The following KTN1 variants were observed in gnomAD, a reference collection of about 807,000 sequenced individuals.
KTN1 encodes the protein kinectin.
KTN1 carries 130 observed loss-of-function variants against 222.5 expected under a neutral mutation model. The observed-to-expected ratio is 0.58, with a 90% CI of 0.51 to 0.68. KTN1 has a LOEUF of 0.68. Ranked by LOEUF, KTN1 falls within the 30% of genes least tolerant of loss-of-function variation. The probability of loss-of-function intolerance (pLI) is 0.00; values close to 1 mark genes in which losing one functional copy is unlikely to be tolerated. For missense variants in KTN1, 1,508 were observed against 1,500.4 expected, an observed-to-expected ratio of 1.01 and a Z score of -0.08; for synonymous variants, 512 against 496.3, an observed-to-expected ratio of 1.03 and a Z score of -0.42.
chr14:55,637,923 C>G, intron 12 of KTN1, 76 bp downstream of exon 12: 1 of 1,056,114 alleles, frequency 9.5e-7, no homozygotes, highest in South Asian at 1.4e-5. Flanking sequence ...CTGTTGAGTG[C>G]CAATTACTGG....
chr14:55,596,859 A>G (rs1375165595), intron 1 of KTN1, among the ~76,000 whole-genome samples: 1 of 151,530 alleles, frequency 6.6e-6, no homozygotes, highest in African/African-American at 2.4e-5. Context: ...TTGTTAATAT[A>G]TCAAAGCTAC....
intron 1 of KTN1, among the ~76,000 whole-genome samples, chr14:55,605,087 G>A (rs1237525490): frequency 1.3e-5 from 2 of 152,074 alleles, no homozygotes; most frequent in African/African-American, 4.8e-5. Flanking sequence ...AACCTTCCAG[G>A]CATGACATGT....
chr14:55,618,623 C>T (rs181192504), intron 4 of KTN1, among the ~76,000 whole-genome samples: 28 of 152,172 alleles, frequency 1.8e-4, no homozygotes, highest in Middle Eastern at 3.4e-3. Flanking sequence ...GTTGTTAATG[C>T]CTAATACGAG....
At chr14:55,641,062 G>A in intron 16 of KTN1, 65 bp from the exon 17 acceptor site, 2 of 1,466,606 alleles carry the variant, frequency 1.4e-6, no homozygotes, top group Non-Finnish European at 1.9e-6. Context: ...TGATAGTTGT[G>A]CCCATAATTC....
At chr14:55,609,225 C>T (rs764164952) in intron 1 of KTN1, among the ~76,000 whole-genome samples, 9 of 152,050 alleles carry the variant, frequency 5.9e-5, no homozygotes, top group South Asian at 2.1e-4. Flanking sequence ...TGTTCCACTC[C>T]GACTTATGAG....
rs1413757221 is a variant in KTN1, at chr14:55,612,571, G to A, written c.523G>A (p.Asp175Asn). 2.5e-6 allele frequency: 4 copies of A among 1,572,238 alleles called. No individual in the cohort carries two copies. The highest frequency in any genetic ancestry group is 2.2e-5 in the East Asian group (1 of 44,672). Residue 175 changes from aspartate to asparagine, a missense_variant and splice_region_variant, in exon 2 of 44, where the codon GAT (aspartate) becomes AAT (asparagine). Asp to Asn is a conservative substitution (Grantham distance 23, BLOSUM62 1). Transcript: ENST00000395314. ...PGQKKSKNGS[D>N]DQDKKVETLM... ...GCAGAAGAAGTCTAAAAATGGAAGC[G>A]GTATTGTAATCTATTTAATCTATTT...
At chr14:55,622,593 A>G (rs943089484) in intron 5 of KTN1, among the ~76,000 whole-genome samples, 1 of 152,180 alleles carries the variant, frequency 6.6e-6, no homozygotes, top group African/African-American at 2.4e-5. Context: ...TATTCTAAAA[A>G]CACACACATG....
At chr14:55,589,066 T>C (rs2033600405) in intron 1 of KTN1, among the ~76,000 whole-genome samples, 1 of 152,182 alleles carries the variant, frequency 6.6e-6, no homozygotes, top group Admixed American at 6.5e-5. Flanking sequence ...CTTGGAATTA[T>C]ACATAAAATA....
intron 1 of KTN1, among the ~76,000 whole-genome samples, chr14:55,582,913 C>G (rs1174491058): frequency 1.3e-5 from 2 of 152,128 alleles, no homozygotes; most frequent in Admixed American, 6.5e-5. Flanking sequence ...AGGATACAAG[C>G]AAGTAACTAT....
intron 1 of KTN1, among the ~76,000 whole-genome samples, chr14:55,590,360 T>A (rs371015792): frequency 1.1e-4 from 16 of 152,348 alleles, no homozygotes; most frequent in African/African-American, 3.6e-4. Context: ...CCTGTGTACC[T>A]TTCTCTCAGC....
intron 1 of KTN1, among the ~76,000 whole-genome samples, chr14:55,607,030 A>G (rs2036831459): frequency 6.6e-6 from 1 of 152,212 alleles, no homozygotes. Flanking sequence ...TGTGTCTTGT[A>G]TATACATAAA....
intron 1 of KTN1, among the ~76,000 whole-genome samples, chr14:55,610,703 C>G (rs2037418442): frequency 6.6e-6 from 1 of 150,928 alleles, no homozygotes; most frequent in African/African-American, 2.4e-5. Context: ...TTCTACAACA[C>G]ATTTGAGATG....
At chr14:55,613,575 C>G (rs1357527716) in intron 2 of KTN1, among the ~76,000 whole-genome samples, 1 of 148,502 alleles carries the variant, frequency 6.7e-6, no homozygotes, top group Non-Finnish European at 1.5e-5. Flanking sequence ...CTCAGTGTGT[C>G]CTCTGCTGCC....
At chr14:55,624,620 A>G (rs1479199818) in intron 5 of KTN1, among the ~76,000 whole-genome samples, 2 of 152,192 alleles carry the variant, frequency 1.3e-5, no homozygotes, top group Non-Finnish European at 2.9e-5. Context: ...TACATATGGT[A>G]GATGTATATT....
chr14:55,639,607 C>T (rs2041552808), intron 13 of KTN1, among the ~76,000 whole-genome samples: 1 of 151,634 alleles, frequency 6.6e-6, no homozygotes, highest in African/African-American at 2.4e-5. Flanking sequence ...AAGTTATATG[C>T]TTTTTTTGTG....
intron 1 of KTN1, among the ~76,000 whole-genome samples, chr14:55,610,100 A>T (rs74968702): frequency 0.081 from 12,273 of 152,258 alleles, 538 homozygotes; most frequent in South Asian, 0.11. Context: ...AATCTAGGGT[A>T]TAACTAATAC....
rs767553873 is a variant in KTN1, at chr14:55,648,050, A to G, written c.2233A>G (p.Lys745Glu). 3 of 1,547,476 alleles carry G rather than the reference A, an allele frequency of 1.9e-6. No individual in the cohort carries two copies. In the South Asian group the frequency reaches 3.7e-5, roughly 19 times the overall value. ...KCIQEKDEKL[K>E]TVEELLETGL... ...CATTCAAGAAAAAGATGAGAAGTTAAAGACTGTGGAAGAATTACTTGAAAC... is the reference window on the plus strand; with the variant it reads ...CATTCAAGAAAAAGATGAGAAGTTAGAGACTGTGGAAGAATTACTTGAAAC... The change falls in exon 20 of 44, where the codon AAG becomes GAG. Residue 745 changes from lysine to glutamate, a missense_variant. Physicochemically the swap from Lys to Glu is moderately conservative, Grantham distance 56 (BLOSUM62 1). Transcript: ENST00000395314.
chr14:55,615,629 G>A (rs946820755), intron 2 of KTN1, among the ~76,000 whole-genome samples: 1 of 152,170 alleles, frequency 6.6e-6, no homozygotes, highest in Non-Finnish European at 1.5e-5. Context: ...GACACTGGGG[G>A]ATCTGAGTTA....
At position 55,676,071 on chromosome 14, in the gene KTN1, T is replaced by C. The variant is rs561874029; in HGVS notation, c.3855+153T>C. 2.0e-5 allele frequency among the ~76,000 whole-genome samples: 3 copies of C among 152,354 alleles called. No individual in the cohort carries two copies. The East Asian group carries it at 5.8e-4, about 29-fold the overall frequency. Reference sequence around the variant, plus strand: ...AGCTGCTTGTTATTAGTTAGTATTTTGGAATGAAACGTTTTGGCTTGTTTT... The same window carrying C: ...AGCTGCTTGTTATTAGTTAGTATTTCGGAATGAAACGTTTTGGCTTGTTTT... On this transcript the variant is annotated intron_variant, in intron 41 of 43. Transcript: ENST00000395314.
Sources: allele counts gnomAD v4.1 joint callset (sites outside exome capture counted in the v4.1 genomes callset), GRCh38; gene constraint gnomAD v4.1.1; transcripts MANE v1.5; gene names NCBI Gene and HGNC (gene_info 2026-07-23, HGNC 2026-07-21).